The following GPHN variants were observed in gnomAD, a reference collection of about 807,000 sequenced individuals.
The protein encoded by GPHN is gephyrin.
In GPHN, 17 loss-of-function variants were observed where a neutral mutation model predicts 95.5. The observed-to-expected ratio is 0.18, with a 90% confidence interval of 0.12 to 0.27. The LOEUF is 0.27. GPHN is among the 10% of genes least tolerant of loss of function. The pLI is 1.00. For synonymous variants in GPHN, 320 were observed against 322.5 expected (o/e 0.99, Z 0.08); for missense variants, 660 against 978.1 (o/e 0.67, Z 4.34).
chr14:67,610,764 C>T, the GPHN span, among the ~76,000 whole-genome samples: 6 of 152,128 alleles, frequency 3.9e-5, no homozygotes, highest in African/African-American at 7.2e-5. Flanking sequence ...CCCAGCCAAT[C>T]GTTTCAGTTC....
At chr14:67,111,810 T>C (rs2078393742) in intron 14 of GPHN, 51 bp from the exon 15 acceptor site, 6 of 1,394,038 alleles carry the variant, frequency 4.3e-6, no homozygotes, top group Admixed American at 1.7e-5. Context: ...GTAACTAAAT[T>C]CTACTGCTCA....
the GPHN span, among the ~76,000 whole-genome samples, chr14:67,356,845 G>T: frequency 2.0e-5 from 3 of 152,178 alleles, no homozygotes; most frequent in Non-Finnish European, 2.9e-5. Flanking sequence ...ATCTCAATGT[G>T]TGCATTTAAC....
chr14:66,983,635 TTGA>T (rs2070827514), intron 9 of GPHN, among the ~76,000 whole-genome samples: 1 of 152,210 alleles, frequency 6.6e-6, no homozygotes, highest in African/African-American at 2.4e-5. Flanking sequence ...AAATCAAGCA[TTGA>T]TGAGTGGTTT....
At chr14:67,049,832 G>A (rs544559638) in intron 10 of GPHN, among the ~76,000 whole-genome samples, 71 of 152,188 alleles carry the variant, frequency 4.7e-4, no homozygotes, top group African/African-American at 1.6e-3. Flanking sequence ...TTTTATTGGC[G>A]AAGTAGCTAA....
At chr14:67,206,812 C>T in the GPHN span, among the ~76,000 whole-genome samples, 5 of 150,366 alleles carry the variant, frequency 3.3e-5, no homozygotes, top group Non-Finnish European at 1.5e-5. Flanking sequence ...CTCACTGCAA[C>T]CTCCACCTCT....
the GPHN span, chr14:67,333,424 T>A: frequency 6.5e-6 from 1 of 152,758 alleles, no homozygotes; most frequent in Admixed American, 6.5e-5. Flanking sequence ...AAGGCAGTAT[T>A]TGCTTAGGAA....
At chr14:67,393,540 G>A in the GPHN span, among the ~76,000 whole-genome samples, 7 of 152,068 alleles carry the variant, frequency 4.6e-5, no homozygotes, top group South Asian at 8.3e-4. Context: ...TGTGACCTCC[G>A]CCTCCCAGGT....
chr14:67,366,401 A>G, the GPHN span, among the ~76,000 whole-genome samples: 6 of 152,224 alleles, frequency 3.9e-5, no homozygotes, highest in Admixed American at 6.5e-5. Context: ...AATATACACA[A>G]AAGGAGGAAT....
At chr14:67,648,313 A>G in the GPHN span, 1 of 1,033,242 alleles carries the variant, frequency 9.7e-7, no homozygotes, top group East Asian at 2.6e-5. Context: ...TTTTGTAGCT[A>G]AAAATTATAT....
At chr14:66,875,670 A>G (rs1269860552) in intron 4 of GPHN, among the ~76,000 whole-genome samples, 1 of 152,240 alleles carries the variant, frequency 6.6e-6, no homozygotes, top group African/African-American at 2.4e-5. Context: ...AGGGCATTAC[A>G]TAATGGTAAA....
intron 1 of GPHN, among the ~76,000 whole-genome samples, chr14:66,515,890 A>G (rs147145583): frequency 2.0e-5 from 3 of 152,362 alleles, no homozygotes; most frequent in African/African-American, 7.2e-5. Flanking sequence ...CAAGTTGAAT[A>G]TTGACACATT....
the GPHN span, among the ~76,000 whole-genome samples, chr14:67,444,470 T>C: frequency 6.6e-6 from 1 of 152,268 alleles, no homozygotes; most frequent in Non-Finnish European, 1.5e-5. Context: ...CCATATAGTA[T>C]GATAGAGGAA....
At chr14:67,695,820 G>A in the GPHN span, 3 of 918,650 alleles carry the variant, frequency 3.3e-6, no homozygotes, top group African/African-American at 5.0e-5. Flanking sequence ...CAGACCTTCT[G>A]GGAAATGTAG....
chr14:66,702,728 A>G (rs1184125041), intron 2 of GPHN, among the ~76,000 whole-genome samples: 21 of 152,218 alleles, frequency 1.4e-4, no homozygotes, highest in Admixed American at 1.4e-3. Flanking sequence ...CTGAAAACCC[A>G]AAAGGCCAGA....
At chr14:67,699,613 GAAAC>G in the GPHN span, among the ~76,000 whole-genome samples, 94 of 103,970 alleles carry the variant, frequency 9.0e-4, no homozygotes, top group African/African-American at 3.5e-3. Flanking sequence ...AAAAAAAAAA[GAAAC>G]AGAGAGAGAA....
At chr14:67,381,446 C>A in the GPHN span, 79,284 of 530,146 alleles carry the variant, frequency 0.15, 10,820 homozygotes, top group East Asian at 0.46. Flanking sequence ...CCTTGCCTCC[C>A]TTTTATAAAT....
chr14:67,134,782 A>T (rs1052250352), intron 17 of GPHN, among the ~76,000 whole-genome samples: 1 of 150,242 alleles, frequency 6.7e-6, no homozygotes, highest in South Asian at 2.2e-4. Flanking sequence ...TTGCTTATTT[A>T]CATTTGCCTG....
At chr14:66,553,432 A>G (rs905541488) in intron 1 of GPHN, among the ~76,000 whole-genome samples, 4 of 152,166 alleles carry the variant, frequency 2.6e-5, no homozygotes, top group Non-Finnish European at 4.4e-5. Context: ...AATTGTCCCA[A>G]TGGCCTCTGA....
At chr14:67,704,007 T>C in the GPHN span, among the ~76,000 whole-genome samples, 4 of 152,210 alleles carry the variant, frequency 2.6e-5, no homozygotes, top group Admixed American at 2.6e-4. Context: ...AGAATCTCAT[T>C]TTTAAAATAT....
Sources: allele counts gnomAD v4.1 joint callset (sites outside exome capture counted in the v4.1 genomes callset), GRCh38; gene constraint gnomAD v4.1.1; transcripts MANE v1.5; gene names NCBI Gene and HGNC (gene_info 2026-07-23, HGNC 2026-07-21).